GAS7: variants seen among roughly 807,000 people sequenced by gnomAD.
The protein encoded by GAS7 is growth arrest specific 7.
GAS7 carries 28 observed loss-of-function variants against 71.1 expected under a neutral mutation model. The ratio of observed to expected loss-of-function variants is 0.39; its 90% CI spans 0.29 to 0.54. GAS7 has a LOEUF of 0.54. GAS7 is among the 20% of genes least tolerant of loss of function. The probability of loss-of-function intolerance (pLI) is 0.62; values close to 1 mark genes in which losing one functional copy is unlikely to be tolerated. For missense variants in GAS7, 436 were observed against 627.8 expected (o/e 0.69, Z 3.27); for synonymous variants, 258 against 245.8 (o/e 1.05, Z -0.46).
intron 1 of GAS7, among the ~76,000 whole-genome samples, chr17:10,126,773 A>G (rs1229409382): frequency 6.6e-6 from 1 of 152,218 alleles, no homozygotes; most frequent in Non-Finnish European, 1.5e-5. Context: ...CGGGGAAGAG[A>G]CTATGCTCCG....
intron 1 of GAS7, among the ~76,000 whole-genome samples, chr17:10,139,438 C>CA (rs1386403937): frequency 6.6e-6 from 1 of 152,158 alleles, no homozygotes; most frequent in African/African-American, 2.4e-5. Context: ...TTTCTTATCC[C>CA]AGGTCCAGGA....
chr17:10,127,300 T>C (rs1308837308), intron 1 of GAS7, among the ~76,000 whole-genome samples: 1 of 152,152 alleles, frequency 6.6e-6, no homozygotes, highest in African/African-American at 2.4e-5. Flanking sequence ...GAACGCCTGG[T>C]TTCCAGGGGC....
rs76861586 is a variant in GAS7 at position 10,113,584 on chromosome 17, T to A, written c.183+84624A>T. On this transcript the variant is annotated intron_variant, in intron 1 of 13. Coordinates refer to ENST00000432992, the MANE Select transcript of GAS7 (RefSeq NM_201433.2). ...TGCAGAAGTATAGAGGGGATACCTG[T>A]GTTCAGAAAACCACAGAGATCGCAT... Among the ~76,000 whole-genome samples the A allele has an allele frequency of 1.6e-4, 24 of 152,346 alleles. No homozygotes were observed. The East Asian group carries it at 4.6e-3, about 29-fold the overall frequency.
chr17:10,146,268 G>GC (rs1390408122), intron 1 of GAS7, among the ~76,000 whole-genome samples: 1 of 152,156 alleles, frequency 6.6e-6, no homozygotes, highest in Non-Finnish European at 1.5e-5. Flanking sequence ...ACTTTTTATA[G>GC]CCCAGTGTGC....
intron 1 of GAS7, among the ~76,000 whole-genome samples, chr17:10,050,565 C>A (rs747877082): frequency 2.6e-5 from 4 of 152,102 alleles, no homozygotes; most frequent in Non-Finnish European, 5.9e-5. Context: ...ACAGCAGAAC[C>A]AAGGCCCCAT....
At chr17:9,935,165 C>T (rs1344866001) in intron 8 of GAS7, among the ~76,000 whole-genome samples, 2 of 152,198 alleles carry the variant, frequency 1.3e-5, no homozygotes, top group African/African-American at 2.4e-5. Context: ...CTAGATGCAG[C>T]CACAGGGCAG....
intron 1 of GAS7, among the ~76,000 whole-genome samples, chr17:10,047,781 G>A (rs552614633): frequency 6.6e-6 from 1 of 152,282 alleles, no homozygotes; most frequent in East Asian, 1.9e-4. Flanking sequence ...TTGTAGTTGT[G>A]GGTAACTGCA....
intron 2 of GAS7, among the ~76,000 whole-genome samples, chr17:10,000,542 G>A (rs1473216539): frequency 1.3e-5 from 2 of 152,184 alleles, no homozygotes; most frequent in African/African-American, 4.8e-5. Flanking sequence ...AGGAAAAGAA[G>A]AGTGAACGCA....
At chr17:9,925,982 C>T (rs969931748) in intron 10 of GAS7, among the ~76,000 whole-genome samples, 2 of 152,072 alleles carry the variant, frequency 1.3e-5, no homozygotes, top group African/African-American at 2.4e-5. Flanking sequence ...GTAGCAACAG[C>T]CCTCCCGTTC....
intron 1 of GAS7, among the ~76,000 whole-genome samples, chr17:10,187,208 A>G (rs889226132): frequency 1.3e-5 from 2 of 152,346 alleles, no homozygotes; most frequent in Non-Finnish European, 1.5e-5. Context: ...TGTTTGACAC[A>G]GTCCCTGAGC....
At chr17:9,980,604 C>T (rs1455792755) in intron 3 of GAS7, among the ~76,000 whole-genome samples, 1 of 152,192 alleles carries the variant, frequency 6.6e-6, no homozygotes, top group Non-Finnish European at 1.5e-5. Context: ...AGTCGAAAAC[C>T]AACAAGTGTG....
intron 1 of GAS7, among the ~76,000 whole-genome samples, chr17:10,075,671 T>G (rs556583562): frequency 2.0e-5 from 3 of 152,114 alleles, no homozygotes; most frequent in Admixed American, 2.0e-4. Context: ...GGCACACACC[T>G]GTGGTCCCAG....
intron 1 of GAS7, among the ~76,000 whole-genome samples, chr17:10,072,426 TC>T (rs1768140925): frequency 6.6e-6 from 1 of 151,904 alleles, no homozygotes; most frequent in Non-Finnish European, 1.5e-5. Flanking sequence ...CCTGTTCCCC[TC>T]CCCCAGCCTT....
At chr17:10,067,776 G>C (rs998616830) in intron 1 of GAS7, among the ~76,000 whole-genome samples, 2 of 152,214 alleles carry the variant, frequency 1.3e-5, no homozygotes, top group African/African-American at 2.4e-5. Context: ...CCCAGCCCTG[G>C]TTCAGGGTGG....
chr17:10,052,011 G>T (rs2073068935), intron 1 of GAS7, among the ~76,000 whole-genome samples: 1 of 152,248 alleles, frequency 6.6e-6, no homozygotes, highest in South Asian at 2.1e-4. Flanking sequence ...AAAACCCTGG[G>T]AGGGAAGTAT....
Position 10,153,837 on chromosome 17 carries a change from T to C in GAS7, c.183+44371A>G, listed in dbSNP as rs144758305. 1.1e-3 allele frequency among the ~76,000 whole-genome samples: 174 copies of C among 151,868 alleles called. 3 individuals are homozygous for C. The East Asian group carries it at 0.03, about 26-fold the overall frequency. On this transcript the variant is annotated intron_variant, in intron 1 of 13. Coordinates refer to ENST00000432992, the MANE Select transcript of GAS7 (RefSeq NM_201433.2). ...ATCCCAGCATTTTGGGAGGCCAAGA[T>C]GGGAGGATCACTTGAGGCCTGGAGT...
chr17:10,162,724 G>A (rs1371193171), intron 1 of GAS7, among the ~76,000 whole-genome samples: 5 of 152,106 alleles, frequency 3.3e-5, no homozygotes, highest in Non-Finnish European at 7.4e-5. Flanking sequence ...ATGTTCAAAT[G>A]CTAAGCTAAA....
At chr17:10,114,787 G>C (rs13341008) in intron 1 of GAS7, among the ~76,000 whole-genome samples, 130,593 of 151,910 alleles carry the variant, frequency 0.86, 56,307 homozygotes, top group Non-Finnish European at 0.9. Context: ...CCACACCCTA[G>C]AACTTGTGCC....
rs985078993 is a variant in GAS7 at position 10,137,132 on chromosome 17, G to C, written c.183+61076C>G. Among the ~76,000 whole-genome samples, 57 of 150,830 alleles carry C rather than the reference G, an allele frequency of 3.8e-4. 1 individual carries two copies. Among genetic ancestry groups the C allele is most frequent in the Admixed American group, 3.6e-3 (54 of 15,084 alleles). ...CAGCTTAAAAAGAAAAAAAGAGAGA[G>C]AGAGAGACCGCAAATACTCTCCCTC... On this transcript the variant is annotated intron_variant, in intron 1 of 13. Transcript: ENST00000432992.
Sources: gnomAD v4.1 joint callset for allele counts (sites outside exome capture counted in the v4.1 genomes callset) on GRCh38, gnomAD v4.1.1 for gene constraint, MANE v1.5 for transcripts, NCBI Gene and HGNC (gene_info 2026-07-23, HGNC 2026-07-21) for gene names.